PPM1H: variants seen among roughly 807,000 people sequenced by gnomAD.
PPM1H encodes protein phosphatase 1H.
Under a neutral mutation model 54.9 loss-of-function variants are expected in PPM1H, and 27 were observed. The observed-to-expected ratio is 0.49, with a 90% CI of 0.36 to 0.68. The LOEUF (loss-of-function observed/expected upper bound fraction) is 0.68. Among genes scored for constraint, PPM1H ranks in the 30% least tolerant of loss-of-function variants. The pLI is 0.00. For missense variants in PPM1H, 596 were observed against 667.8 expected, an observed-to-expected ratio of 0.89 and a Z score of 1.19; for synonymous variants, 305 against 270.8, an observed-to-expected ratio of 1.13 and a Z score of -1.24.
At chr12:62,832,591 A>G (rs1033497465) in intron 1 of PPM1H, among the ~76,000 whole-genome samples, 2 of 152,238 alleles carry the variant, frequency 1.3e-5, no homozygotes, top group East Asian at 3.8e-4. Flanking sequence ...TCACTCTTTC[A>G]GGTTAAGGAA....
chr12:62,758,723 T>G (rs1180887191), intron 4 of PPM1H, among the ~76,000 whole-genome samples: 3 of 152,220 alleles, frequency 2.0e-5, no homozygotes, highest in Admixed American at 1.3e-4. Context: ...AGGAACTATC[T>G]GAGAGCTAAG....
intron 1 of PPM1H, among the ~76,000 whole-genome samples, chr12:62,905,271 G>C (rs1003966836): frequency 3.3e-5 from 5 of 152,170 alleles, no homozygotes; most frequent in Admixed American, 3.3e-4. Context: ...AAGAAGCCAG[G>C]GTTTCTTAGA....
intron 2 of PPM1H, among the ~76,000 whole-genome samples, chr12:62,830,451 G>T (rs4763035): frequency 0.012 from 1,806 of 152,010 alleles, 87 homozygotes; most frequent in Admixed American, 0.082. Context: ...GAGACAGGGT[G>T]TCACTGTGTT....
intron 9 of PPM1H, among the ~76,000 whole-genome samples, chr12:62,665,972 C>T (rs986480017): frequency 5.3e-5 from 8 of 152,256 alleles, no homozygotes; most frequent in African/African-American, 1.9e-4. Context: ...TCAAGTGATC[C>T]TCCTGCGTTA....
intron 1 of PPM1H, among the ~76,000 whole-genome samples, chr12:62,835,507 C>G (rs1868476810): frequency 6.6e-6 from 1 of 152,176 alleles, no homozygotes; most frequent in Admixed American, 6.5e-5. Flanking sequence ...ACCCAGGGAA[C>G]TGTGAAAGAA....
chr12:62,857,349 T>C (rs1291506077), intron 1 of PPM1H, among the ~76,000 whole-genome samples: 1 of 152,212 alleles, frequency 6.6e-6, no homozygotes, highest in Non-Finnish European at 1.5e-5. Flanking sequence ...ATATATAACC[T>C]CCTTTGTCCT....
At chr12:62,872,392 C>G (rs193112010) in intron 1 of PPM1H, among the ~76,000 whole-genome samples, 5 of 152,316 alleles carry the variant, frequency 3.3e-5, no homozygotes, top group Admixed American at 2.0e-4. Flanking sequence ...AGATCTACTT[C>G]TAGCATTTCA....
At chr12:62,841,207 G>T (rs1320152641) in intron 1 of PPM1H, among the ~76,000 whole-genome samples, 4 of 152,196 alleles carry the variant, frequency 2.6e-5, no homozygotes, top group African/African-American at 9.6e-5. Context: ...AGAGTACAAG[G>T]TACCAGAAAT....
intron 6 of PPM1H, among the ~76,000 whole-genome samples, chr12:62,695,341 C>T (rs2076107956): frequency 6.6e-6 from 1 of 152,020 alleles, no homozygotes; most frequent in African/African-American, 2.4e-5. Flanking sequence ...CCCTCAGGAT[C>T]CTCATTAATC....
chr12:62,831,759 G>GTA (rs199628787), intron 2 of PPM1H, among the ~76,000 whole-genome samples: 113 of 148,226 alleles, frequency 7.6e-4, no homozygotes, highest in South Asian at 2.2e-3. Context: ...ATATATTCGT[G>GTA]TATATATATA....
At chr12:62,800,334 T>G (rs1036553222) in intron 3 of PPM1H, among the ~76,000 whole-genome samples, 15 of 152,060 alleles carry the variant, frequency 9.9e-5, no homozygotes, top group Non-Finnish European at 2.1e-4. Flanking sequence ...GGTTTTTTTT[T>G]TTTGTTTATT....
At chr12:62,758,413 T>C (rs2076487984) in intron 4 of PPM1H, among the ~76,000 whole-genome samples, 1 of 152,254 alleles carries the variant, frequency 6.6e-6, no homozygotes. Context: ...GGTTTCCATA[T>C]TTATACTGCT....
At chr12:62,777,063 G>T (rs2076615387) in intron 4 of PPM1H, among the ~76,000 whole-genome samples, 1 of 152,140 alleles carries the variant, frequency 6.6e-6, no homozygotes, top group African/African-American at 2.4e-5. Flanking sequence ...GACCCCAAGT[G>T]CCAAACATTG....
At position 62,891,578 on chromosome 12, in the gene PPM1H, C is replaced by G. The variant is rs139814216; in HGVS notation, c.245+42914G>C. ...TCCATTTCTTCCATCATATGCTCCA[C>G]TATTGTCTCTGGGACATTTTTCTAG... On this transcript the variant is annotated intron_variant, in intron 1 of 9. Coordinates refer to ENST00000228705, the MANE Select transcript of PPM1H (RefSeq NM_020700.2). 2.1e-3 allele frequency among the ~76,000 whole-genome samples: 327 copies of G among 152,336 alleles called. 1 individual carries two copies. Among genetic ancestry groups the G allele is most frequent in the Admixed American group, 3.8e-3 (58 of 15,290 alleles).
At chr12:62,832,486 T>C (rs1868381891) in intron 1 of PPM1H, among the ~76,000 whole-genome samples, 1 of 152,236 alleles carries the variant, frequency 6.6e-6, no homozygotes, top group African/African-American at 2.4e-5. Flanking sequence ...TTAAAATATT[T>C]ACTAAAGAAG....
chr12:62,900,291 T>C (rs536994517), intron 1 of PPM1H, among the ~76,000 whole-genome samples: 3 of 152,076 alleles, frequency 2.0e-5, no homozygotes, highest in African/African-American at 4.8e-5. Flanking sequence ...TGTGATAGTT[T>C]GCTGAGAATG....
At chr12:62,769,810 A>G (rs959839132) in intron 4 of PPM1H, among the ~76,000 whole-genome samples, 1 of 152,238 alleles carries the variant, frequency 6.6e-6, no homozygotes, top group Admixed American at 6.5e-5. Context: ...CCTTTCTCCA[A>G]AGATGAATTT....
At chr12:62,750,764 G>A (rs1209244605) in intron 4 of PPM1H, among the ~76,000 whole-genome samples, 1 of 152,112 alleles carries the variant, frequency 6.6e-6, no homozygotes, top group Non-Finnish European at 1.5e-5. Flanking sequence ...GGACTCTAGA[G>A]TTCAAACTAG....
At chr12:62,762,490 C>T (rs2076515140) in intron 4 of PPM1H, among the ~76,000 whole-genome samples, 1 of 152,178 alleles carries the variant, frequency 6.6e-6, no homozygotes, top group South Asian at 2.1e-4. Context: ...GGTAGATGCG[C>T]CTGACAGCAG....
Sources: gnomAD v4.1 joint callset for allele counts (sites outside exome capture counted in the v4.1 genomes callset) on GRCh38, gnomAD v4.1.1 for gene constraint, MANE v1.5 for transcripts, NCBI Gene and HGNC (gene_info 2026-07-23, HGNC 2026-07-21) for gene names.